Variants in CPEB4 observed in about 807,000 individuals in gnomAD.
CPEB4 encodes cytoplasmic polyadenylation element-binding protein 4.
In CPEB4, 12 loss-of-function variants were observed where a neutral mutation model predicts 72.5. That is an observed-to-expected ratio of 0.17 (90% CI 0.11 to 0.27). CPEB4 has a LOEUF of 0.27. Ranked by LOEUF, CPEB4 falls within the 10% of genes least tolerant of loss-of-function variation. CPEB4 has a pLI of 1.00. For synonymous variants in CPEB4, 302 were observed against 326.3 expected, an observed-to-expected ratio of 0.93 and a Z score of 0.80; for missense variants, 614 against 908.5, an observed-to-expected ratio of 0.68 and a Z score of 4.17.
chr5:173,903,984 C>T (rs902370966), intron 1 of CPEB4, among the ~76,000 whole-genome samples: 1 of 152,148 alleles, frequency 6.6e-6, no homozygotes, highest in Non-Finnish European at 1.5e-5. Flanking sequence ...CTGAAACTAA[C>T]CAGTTACTGA....
rs554397380 is a variant in CPEB4 at position 173,891,972 on chromosome 5, TAAAAA to T, written c.1125+1121_1125+1125del. Among the ~76,000 whole-genome samples the T allele has an allele frequency of 1.2e-3, 172 of 144,588 alleles. 1 individual carries two copies. Among genetic ancestry groups the T allele is most frequent in the African/African-American group, 4.2e-3 (168 of 39,558 alleles). The allele number at this position is 144,588 out of a possible 152,430, so 94.9% of individuals were successfully genotyped here. Reference sequence around the variant, plus strand: ...GCTGGTCAGAGTACAAATTCTAAGTTAAAAAAAAAAACAAACCCAAGGATTGAAAA... The same window carrying T: ...GCTGGTCAGAGTACAAATTCTAAGTTAAAAAACAAACCCAAGGATTGAAAA... On this transcript the variant is annotated intron_variant, in intron 1 of 9. Coordinates refer to ENST00000265085, the MANE Select transcript of CPEB4 (RefSeq NM_030627.4).
chr5:173,915,290 G>A (rs965250820), intron 2 of CPEB4, among the ~76,000 whole-genome samples: 22 of 151,842 alleles, frequency 1.4e-4, no homozygotes, highest in African/African-American at 3.9e-4. Context: ...TTCATAATTC[G>A]TATTAGGTTT....
rs570150776 is a variant in CPEB4 at position 173,889,868 on chromosome 5, A to G, written c.135A>G (p.Ile45Met). The change falls in exon 1 of 10, where the codon ATA (isoleucine) becomes ATG (methionine). Residue 45 changes from isoleucine to methionine, a missense_variant. This residue lies in a region of CPEB4 where 458 missense variants were observed against 548.6 expected (regional missense o/e 0.83). Transcript: ENST00000265085. Reference protein sequence around the residue: ...QNATPSPAAFINNNTAANGSS... With the variant: ...QNATPSPAAFMNNNTAANGSS... Reference sequence around the variant, plus strand: ...CCACCCCCAGCCCTGCTGCTTTTATAAATAATAACACAGCTGCCAATGGCA... The same window carrying G: ...CCACCCCCAGCCCTGCTGCTTTTATGAATAATAACACAGCTGCCAATGGCA... 1.2e-6 allele frequency: 2 copies of G among 1,614,142 alleles called. No individual in the cohort carries two copies. Among genetic ancestry groups the G allele is most frequent in the East Asian group, 2.2e-5 (1 of 44,888 alleles).
intron 1 of CPEB4, among the ~76,000 whole-genome samples, chr5:173,905,007 TAATAATAATAAA>T (rs1443867088): frequency 0.019 from 2,423 of 128,904 alleles, 56 homozygotes; most frequent in African/African-American, 0.054. Flanking sequence ...ATAATAATAA[TAATAATAATAAA>T]AAAATGTAAC....
intron 5 of CPEB4, among the ~76,000 whole-genome samples, chr5:173,947,134 T>C (rs906860391): frequency 6.6e-5 from 10 of 151,736 alleles, no homozygotes; most frequent in Non-Finnish European, 1.5e-4. Flanking sequence ...TGCCCTATTA[T>C]CAGGTCTTAT....
chr5:173,945,031 T>A lies in CPEB4; in HGVS notation c.1347T>A (p.Leu449=), dbSNP rs759316873. Residue 449 remains leucine, a synonymous_variant, in exon 5 of 10, where the codon CTT becomes CTA. Coordinates refer to ENST00000265085, the MANE Select transcript of CPEB4 (RefSeq NM_030627.4). The part of the protein sequence containing the change: ...FLDDGRGDQP[L]HSGLGSPHCF... ...ATGATGGCCGTGGGGATCAGCCTCT[T>A]CATAGTGGCCTGGGTTCACCTCACT... The A allele has an allele frequency of 6.2e-7, 1 of 1,614,020 alleles. No individual in the cohort carries two copies. Among genetic ancestry groups the A allele is most frequent in the East Asian group, 2.2e-5 (1 of 44,866 alleles).
intron 1 of CPEB4, chr5:173,891,559 T>C (rs185695977): frequency 1.2e-4 from 19 of 152,356 alleles, no homozygotes; most frequent in Admixed American, 1.1e-3. Context: ...CACCCGTTTG[T>C]TTATTTTCCA....
chr5:173,937,730 C>T (rs1254764428), intron 3 of CPEB4, among the ~76,000 whole-genome samples: 2 of 152,080 alleles, frequency 1.3e-5, no homozygotes, highest in African/African-American at 2.4e-5. Flanking sequence ...TTTCATTATT[C>T]TCTCATTTGC....
intron 3 of CPEB4, among the ~76,000 whole-genome samples, chr5:173,932,755 AT>A (rs1044285062): frequency 6.6e-6 from 1 of 152,220 alleles, no homozygotes; most frequent in Non-Finnish European, 1.5e-5. Context: ...ATACCTAAAG[AT>A]TGGCTTTATC....
intron 3 of CPEB4, among the ~76,000 whole-genome samples, chr5:173,936,814 CTT>C (rs57420146): frequency 8.0e-4 from 114 of 142,508 alleles, no homozygotes; most frequent in African/African-American, 1.7e-3. Flanking sequence ...GTGCATTATA[CTT>C]TTTTTTTTTT....
chr5:173,929,828 T>G (rs188168863), intron 2 of CPEB4, among the ~76,000 whole-genome samples: 1 of 152,356 alleles, frequency 6.6e-6, no homozygotes, highest in Admixed American at 6.5e-5. Flanking sequence ...TTGGAGATAA[T>G]AAGACATTTC....
At chr5:173,899,654 T>C (rs1441255379) in intron 1 of CPEB4, among the ~76,000 whole-genome samples, 1 of 152,232 alleles carries the variant, frequency 6.6e-6, no homozygotes, top group Non-Finnish European at 1.5e-5. Context: ...TGTGGACTTG[T>C]GGGCAAGACC....
chr5:173,898,334 A>G (rs951951922), intron 1 of CPEB4, among the ~76,000 whole-genome samples: 1 of 152,186 alleles, frequency 6.6e-6, no homozygotes, highest in Non-Finnish European at 1.5e-5. Context: ...AAATAAAAAT[A>G]TAAGAACGTG....
rs2113315908 is a variant in CPEB4 at position 173,958,037 on chromosome 5, T to C, written c.*1900T>C. The C allele has an allele frequency of 6.5e-6, 1 of 152,922 alleles. No individual in the cohort carries two copies. The highest frequency in any genetic ancestry group is 2.4e-5 in the African/African-American group (1 of 41,582). 9.5% of individuals were successfully genotyped at this position (152,922 alleles called of 1,614,324 possible). ...TCTTTTCTCCTGAACTACATGATTC[T>C]AATTGGAATGTTCATTTGCCTCTTT... On this transcript the variant is annotated 3_prime_UTR_variant, in exon 10 of 10. Coordinates refer to ENST00000265085, the MANE Select transcript of CPEB4 (RefSeq NM_030627.4).
intron 3 of CPEB4, 27 bp downstream of exon 3, chr5:173,932,527 G>A: frequency 6.3e-7 from 1 of 1,576,928 alleles, no homozygotes. Flanking sequence ...TTACCCTAGT[G>A]AAGTGCACAA....
At position 173,945,582 on chromosome 5, in the gene CPEB4, C is replaced by T. The variant is rs1581164738; in HGVS notation, c.1456+442C>T. Among the ~76,000 whole-genome samples the T allele has an allele frequency of 3.9e-5, 6 of 152,242 alleles. No homozygotes were observed. The South Asian group carries it at 1.2e-3, about 32-fold the overall frequency. Reference sequence around the variant, plus strand: ...TTGAAAAATATAGCCTACAGTTGTACTACAAGAAGGATAATCTTACTTAAG... The same window carrying T: ...TTGAAAAATATAGCCTACAGTTGTATTACAAGAAGGATAATCTTACTTAAG... On this transcript the variant is annotated intron_variant, in intron 5 of 9. Coordinates refer to ENST00000265085, the MANE Select transcript of CPEB4 (RefSeq NM_030627.4).
intron 7 of CPEB4, among the ~76,000 whole-genome samples, chr5:173,951,474 T>C (rs1020918619): frequency 2.6e-5 from 4 of 152,184 alleles, no homozygotes; most frequent in Non-Finnish European, 5.9e-5. Flanking sequence ...TTGATTGGCA[T>C]TGGATACCAT....
At chr5:173,925,784 G>A (rs1450431770) in intron 2 of CPEB4, among the ~76,000 whole-genome samples, 5 of 152,140 alleles carry the variant, frequency 3.3e-5, no homozygotes, top group Non-Finnish European at 7.4e-5. Context: ...TTACTTAGAT[G>A]TGAGCTAAAC....
chr5:173,910,749 T>G lies in CPEB4; in HGVS notation c.1207+145T>G, dbSNP rs1756627591. On this transcript the variant is annotated intron_variant, in intron 2 of 9. Coordinates refer to ENST00000265085, the MANE Select transcript of CPEB4 (RefSeq NM_030627.4). ...TCAATTTTACACATATACCTCTTGT[T>G]GTTAAAAAATCCAACATACTTGATG... 9 of 610,944 alleles carry G rather than the reference T, an allele frequency of 1.5e-5. No homozygotes were observed. In the East Asian group the frequency reaches 2.6e-4, roughly 17 times the overall value. 37.8% of individuals were successfully genotyped at this position (610,944 alleles called of 1,614,324 possible). A position where few individuals can be genotyped will look rare whatever the true frequency, so the allele number is the denominator to read the frequency against.
Sources: gnomAD v4.1 joint callset for allele counts (sites outside exome capture counted in the v4.1 genomes callset) on GRCh38, gnomAD v4.1.1 for gene constraint, gnomAD v4.1.1 regional missense constraint, MANE v1.5 for transcripts, NCBI Gene and HGNC (gene_info 2026-07-23, HGNC 2026-07-21) for gene names.